The following KCNMA1 variants were observed in gnomAD, a reference collection of about 807,000 sequenced individuals.
KCNMA1 encodes the protein potassium calcium-activated channel subfamily M alpha 1.
Under a neutral mutation model 140.0 loss-of-function variants are expected in KCNMA1, and 29 were observed. The observed-to-expected ratio is 0.21, with a 90% confidence interval of 0.15 to 0.28. KCNMA1 has a LOEUF of 0.28. KCNMA1 is among the 10% of genes least tolerant of loss of function. The probability of loss-of-function intolerance (pLI) is 1.00; values close to 1 mark genes in which losing one functional copy is unlikely to be tolerated. For missense variants in KCNMA1, 880 were observed against 1,602.2 expected, an observed-to-expected ratio of 0.55 and a Z score of 7.70; for synonymous variants, 612 against 611.9, an observed-to-expected ratio of 1.00 and a Z score of 0.00.
intron 1 of KCNMA1, among the ~76,000 whole-genome samples, chr10:77,423,240 T>A (rs183993355): frequency 1.0e-3 from 158 of 152,338 alleles, no homozygotes; most frequent in Non-Finnish European, 1.6e-3. Context: ...CTAAATAAGA[T>A]AAGGAGACTT....
At chr10:77,507,462 G>C (rs1020929889) in intron 1 of KCNMA1, among the ~76,000 whole-genome samples, 35 of 152,312 alleles carry the variant, frequency 2.3e-4, no homozygotes, top group African/African-American at 7.7e-4. Context: ...AGTCAGCCCT[G>C]ATAAAAATCT....
At chr10:77,464,891 A>T (rs1309317127) in intron 1 of KCNMA1, among the ~76,000 whole-genome samples, 1 of 152,228 alleles carries the variant, frequency 6.6e-6, no homozygotes, top group Non-Finnish European at 1.5e-5. Context: ...TTATTGCTTA[A>T]CTTGTTTCAT....
chr10:77,283,351 G>A (rs1290064255), intron 2 of KCNMA1, among the ~76,000 whole-genome samples: 1 of 152,242 alleles, frequency 6.6e-6, no homozygotes, highest in Non-Finnish European at 1.5e-5. Context: ...GGGAGAAGGA[G>A]GCAGGGTTTC....
At chr10:77,504,002 G>T (rs555352074) in intron 1 of KCNMA1, among the ~76,000 whole-genome samples, 1 of 152,130 alleles carries the variant, frequency 6.6e-6, no homozygotes, top group Non-Finnish European at 1.5e-5. Flanking sequence ...GGGTCCAATG[G>T]GGGGCAGGGC....
intron 5 of KCNMA1, among the ~76,000 whole-genome samples, chr10:77,153,777 CA>C (rs1165728334): frequency 3.3e-5 from 5 of 152,170 alleles, no homozygotes; most frequent in African/African-American, 1.2e-4. Flanking sequence ...GCTGCATGAG[CA>C]ACTTACATCC....
rs558873456 is a variant in KCNMA1 at position 77,635,339 on chromosome 10, T to C, written c.378+1926A>G. ...CCAGGTTCACAAAAACACCACAACT[T>C]ATTTTCAATCATGGAAAAAGTTTTC... is the stretch of plus-strand genomic sequence containing the variant. On this transcript the variant is annotated intron_variant, in intron 1 of 27. Coordinates refer to ENST00000286628, the MANE Select transcript of KCNMA1 (RefSeq NM_001161352.2). 3 of 152,160 alleles carry C rather than the reference T, an allele frequency of 2.0e-5. No individual in the cohort carries two copies. The East Asian group carries it at 5.8e-4, about 29-fold the overall frequency. The allele number at this position is 152,160 out of a possible 1,614,324, so 9.4% of individuals were successfully genotyped here. A position where few individuals can be genotyped will look rare whatever the true frequency, so the allele number is the denominator to read the frequency against.
intron 1 of KCNMA1, among the ~76,000 whole-genome samples, chr10:77,407,058 C>T (rs551005704): frequency 6.6e-6 from 1 of 152,328 alleles, no homozygotes; most frequent in East Asian, 1.9e-4. Context: ...TATTGTTTTA[C>T]AAGGCATTCA....
intron 14 of KCNMA1, among the ~76,000 whole-genome samples, chr10:77,072,362 C>T (rs992922406): frequency 5.9e-5 from 9 of 152,160 alleles, no homozygotes; most frequent in Admixed American, 1.3e-4. Context: ...AGTGGCTGGG[C>T]GATCAATGCA....
intron 22 of KCNMA1, among the ~76,000 whole-genome samples, chr10:76,947,731 C>T (rs150836321): frequency 9.2e-5 from 14 of 152,262 alleles, no homozygotes; most frequent in South Asian, 2.1e-4. Context: ...GATAACTGTC[C>T]GATCTTTTTC....
chr10:77,594,434 A>T (rs1479075121), intron 1 of KCNMA1, among the ~76,000 whole-genome samples: 4 of 152,098 alleles, frequency 2.6e-5, no homozygotes, highest in African/African-American at 9.7e-5. Flanking sequence ...GTCCTGTCGG[A>T]TGGGGCCAGT....
intron 18 of KCNMA1, among the ~76,000 whole-genome samples, chr10:77,009,480 G>T (rs2090153940): frequency 1.3e-5 from 2 of 152,264 alleles, no homozygotes; most frequent in African/African-American, 2.4e-5. Flanking sequence ...AGTCAGAGAA[G>T]TTCTCACTTC....
intron 13 of KCNMA1, among the ~76,000 whole-genome samples, chr10:77,074,929 A>G (rs1386576992): frequency 6.6e-6 from 1 of 152,250 alleles, no homozygotes. Flanking sequence ...AGAACAATAT[A>G]CAATAGTTGA....
chr10:77,069,643 G>T (rs1355484103), intron 14 of KCNMA1, among the ~76,000 whole-genome samples: 1 of 152,166 alleles, frequency 6.6e-6, no homozygotes, highest in East Asian at 1.9e-4. Context: ...GATCAATTCA[G>T]AGATATATCC....
At chr10:77,047,308 C>T (rs2095117552) in intron 14 of KCNMA1, among the ~76,000 whole-genome samples, 1 of 152,186 alleles carries the variant, frequency 6.6e-6, no homozygotes, top group African/African-American at 2.4e-5. Flanking sequence ...GGGCTGCAGA[C>T]TATCAAATGA....
At chr10:76,878,824 G>A (rs1229245138) in intron 29 of KCNMA1, among the ~76,000 whole-genome samples, 1 of 152,102 alleles carries the variant, frequency 6.6e-6, no homozygotes, top group Non-Finnish European at 1.5e-5. Context: ...CTCTTTCTAG[G>A]ATTGAAATTT....
At chr10:76,920,968 A>T (rs1048763345) in intron 23 of KCNMA1, among the ~76,000 whole-genome samples, 7 of 152,198 alleles carry the variant, frequency 4.6e-5, no homozygotes, top group African/African-American at 1.7e-4. Context: ...GTACTTTTCC[A>T]TGGGGGAAAC....
chr10:76,937,884 C>A (rs186570650), intron 23 of KCNMA1, among the ~76,000 whole-genome samples: 5 of 151,394 alleles, frequency 3.3e-5, no homozygotes, highest in African/African-American at 1.2e-4. Flanking sequence ...TCAAAGAGGG[C>A]GGGAGGAAAG....
At chr10:77,408,764 C>T (rs552260120) in intron 1 of KCNMA1, among the ~76,000 whole-genome samples, 1 of 152,260 alleles carries the variant, frequency 6.6e-6, no homozygotes, top group Admixed American at 6.5e-5. Flanking sequence ...CTGCAGGAGC[C>T]CTCCCCCTGC....
chr10:76,909,957 A>G lies in KCNMA1; in HGVS notation c.3147+9T>C. 5 of 1,613,114 alleles carry G rather than the reference A, an allele frequency of 3.1e-6. No homozygotes were observed. The highest frequency in any genetic ancestry group is 4.5e-5 in the East Asian group (2 of 44,796). On this transcript the variant is annotated intron_variant, in intron 25 of 27. Transcript: ENST00000286628. ...CCTTGAGTGAGGAGGAGGGAACAGG[A>G]TAACTCACCGCGCTCATGAGTGAGT...
Sources: gnomAD v4.1 joint callset for allele counts (sites outside exome capture counted in the v4.1 genomes callset) on GRCh38, gnomAD v4.1.1 for gene constraint, MANE v1.5 for transcripts, NCBI Gene and HGNC (gene_info 2026-07-23, HGNC 2026-07-21) for gene names.